The following FAT3 variants were observed in gnomAD, a reference collection of about 807,000 sequenced individuals.
The protein encoded by FAT3 is FAT atypical cadherin 3.
FAT3 carries 95 observed loss-of-function variants against 310.2 expected under a neutral mutation model. That is an observed-to-expected ratio of 0.31 (90% confidence interval 0.26 to 0.36). The LOEUF (loss-of-function observed/expected upper bound fraction) is 0.36. FAT3 is among the 10% of genes least tolerant of loss of function. The pLI is 1.00. For synonymous variants in FAT3, 2,314 were observed against 2,192.9 expected, an observed-to-expected ratio of 1.06 and a Z score of -1.54; for missense variants, 5,408 against 5,715.6, an observed-to-expected ratio of 0.95 and a Z score of 1.74.
chr11:92,486,371 CT>C (rs939185647), intron 2 of FAT3, among the ~76,000 whole-genome samples: 18 of 149,084 alleles, frequency 1.2e-4, no homozygotes, highest in Admixed American at 1.3e-4. Flanking sequence ...TTTTGTTGTC[CT>C]TTTTTTTTAC....
At chr11:92,853,965 T>C (rs1948903101) in intron 19 of FAT3, among the ~76,000 whole-genome samples, 1 of 152,074 alleles carries the variant, frequency 6.6e-6, no homozygotes, top group African/African-American at 2.4e-5. Flanking sequence ...CCTGCCCTTT[T>C]CTGTCCAGGA....
At chr11:92,285,541 T>C (rs1352880760) in intron 1 of FAT3, among the ~76,000 whole-genome samples, 1 of 152,172 alleles carries the variant, frequency 6.6e-6, no homozygotes, top group Non-Finnish European at 1.5e-5. Context: ...ACAACACTAT[T>C]GTAGCTCATT....
chr11:92,237,935 T>G (rs867454723), intron 1 of FAT3, among the ~76,000 whole-genome samples: 18 of 152,030 alleles, frequency 1.2e-4, no homozygotes, highest in African/African-American at 4.3e-4. Flanking sequence ...TTATTGAGTA[T>G]CTACTTTATC....
At chr11:92,480,195 G>A (rs893737858) in intron 2 of FAT3, among the ~76,000 whole-genome samples, 1 of 152,052 alleles carries the variant, frequency 6.6e-6, no homozygotes, top group Non-Finnish European at 1.5e-5. Flanking sequence ...AACCCAAGAG[G>A]CAGAGCTTAC....
At chr11:92,289,538 T>C (rs868810014) in intron 1 of FAT3, among the ~76,000 whole-genome samples, 1,315 of 128,188 alleles carry the variant, frequency 0.01, 29 homozygotes, top group African/African-American at 0.034. Context: ...CACACACACA[T>C]ATATATGTGC....
At chr11:92,822,144 A>G (rs1947983937) in intron 13 of FAT3, among the ~76,000 whole-genome samples, 1 of 152,146 alleles carries the variant, frequency 6.6e-6, no homozygotes, top group Non-Finnish European at 1.5e-5. Context: ...TCAAAACACT[A>G]GCTGTCAAAG....
chr11:92,823,454 C>G (rs891360105), intron 13 of FAT3, among the ~76,000 whole-genome samples: 1 of 152,158 alleles, frequency 6.6e-6, no homozygotes, highest in Non-Finnish European at 1.5e-5. Context: ...TATAGGTGTG[C>G]AGTCAAACAG....
At position 92,338,801 on chromosome 11, in the gene FAT3, G is replaced by A. The variant is rs942426854; in HGVS notation, c.-17-13295G>A. Among the ~76,000 whole-genome samples the A allele has an allele frequency of 7.9e-5, 12 of 152,134 alleles. No homozygotes were observed. In the South Asian group the frequency reaches 1.9e-3, roughly 24 times the overall value. On this transcript the variant is annotated intron_variant, in intron 1 of 27. Coordinates refer to ENST00000525166, the MANE Select transcript of FAT3 (RefSeq NM_001367949.2). ...GGTGACTGATGGCCTTGCTACATGC[G>A]AACAGTTCCTGGAGAAATCTTGGTT...
chr11:92,263,728 A>G (rs959420088), intron 1 of FAT3, among the ~76,000 whole-genome samples: 1 of 152,126 alleles, frequency 6.6e-6, no homozygotes, highest in Non-Finnish European at 1.5e-5. Flanking sequence ...TGAACAAATT[A>G]TGAAGCATTT....
intron 3 of FAT3, among the ~76,000 whole-genome samples, chr11:92,670,175 T>C (rs983894195): frequency 6.6e-6 from 1 of 152,242 alleles, no homozygotes; most frequent in Admixed American, 6.5e-5. Context: ...CCTGGTGACT[T>C]GGCATTTGCT....
chr11:92,246,982 G>C (rs1249737339), intron 1 of FAT3, among the ~76,000 whole-genome samples: 1 of 152,232 alleles, frequency 6.6e-6, no homozygotes, highest in East Asian at 1.9e-4. Flanking sequence ...TTTGTCACAG[G>C]TCAAAGGACT....
Position 92,840,743 on chromosome 11 carries a change from A to G in FAT3, c.10550A>G (p.Tyr3517Cys), listed in dbSNP as rs968145569. 6.3e-7 allele frequency: 1 copy of G among 1,590,820 alleles called. No homozygotes were observed. Residue 3517 changes from tyrosine to cysteine, a missense_variant, in exon 18 of 28, where the codon TAC becomes TGC. Coordinates refer to ENST00000525166, the MANE Select transcript of FAT3 (RefSeq NM_001367949.2). Reference sequence around the variant, plus strand: ...TTCCAGCACACAGAGTCTCTGGAATACGTGTTGTGTGTCCAGGTATGGCAT... The same window carrying G: ...TTCCAGCACACAGAGTCTCTGGAATGCGTGTTGTGTGTCCAGGTATGGCAT... Reference protein sequence around the residue: ...VVFQHTESLEYVLCVQAKDSG... With the variant: ...VVFQHTESLECVLCVQAKDSG...
At chr11:92,792,706 C>A in intron 8 of FAT3, 61 bp from the exon 9 acceptor site, 4 of 1,511,964 alleles carry the variant, frequency 2.6e-6, no homozygotes, top group Non-Finnish European at 3.7e-6. Flanking sequence ...CCAAACATAG[C>A]CATGTGAGTT....
chr11:92,535,451 C>T (rs149228810), intron 3 of FAT3, among the ~76,000 whole-genome samples: 107 of 152,150 alleles, frequency 7.0e-4, no homozygotes, highest in African/African-American at 2.5e-3. Context: ...GTTACAGCAG[C>T]CCTAGGAAGC....
Position 92,790,077 on chromosome 11 carries a change from G to T in FAT3, c.4470G>T (p.Lys1490Asn). 1 of 1,613,820 alleles carries T rather than the reference G, an allele frequency of 6.2e-7. No individual in the cohort carries two copies. The highest frequency in any genetic ancestry group is 2.2e-5 in the East Asian group (1 of 44,882). The change falls in exon 8 of 28, where the codon AAG becomes AAT. Residue 1490 changes from lysine (K) to asparagine (N), a missense_variant. Lys to Asn is a moderately conservative substitution (Grantham distance 94). Coordinates refer to ENST00000525166, the MANE Select transcript of FAT3 (RefSeq NM_001367949.2). ...LQIEATDRDE[K>N]HKLSYTVHSS... ...TTGAAGCCACAGATAGAGATGAGAA[G>T]CACAAGCTGAGCTACACTGTTCATA...
chr11:92,426,945 G>A (rs1301575344), intron 2 of FAT3, among the ~76,000 whole-genome samples: 1 of 152,128 alleles, frequency 6.6e-6, no homozygotes, highest in Non-Finnish European at 1.5e-5. Context: ...GTATAGCATT[G>A]AACCTATAAA....
chr11:92,556,216 A>T (rs1429163237), intron 3 of FAT3, among the ~76,000 whole-genome samples: 2 of 152,208 alleles, frequency 1.3e-5, no homozygotes, highest in African/African-American at 2.4e-5. Context: ...CTGGAGGAAG[A>T]GGATTCAAGG....
chr11:92,666,808 G>C (rs1471511705), intron 3 of FAT3, among the ~76,000 whole-genome samples: 1 of 152,156 alleles, frequency 6.6e-6, no homozygotes, highest in Admixed American at 6.5e-5. Flanking sequence ...ATTGCCGCAA[G>C]ACAGTAGAAG....
At chr11:92,790,376 A>G (rs78795276) in intron 8 of FAT3, among the ~76,000 whole-genome samples, 158 bp downstream of exon 8, 5,661 of 152,300 alleles carry the variant, frequency 0.037, 159 homozygotes, top group Non-Finnish European at 0.057. Flanking sequence ...TTTTATTTCA[A>G]TGAAGAATTA....
Sources: allele counts gnomAD v4.1 joint callset (sites outside exome capture counted in the v4.1 genomes callset), GRCh38; gene constraint gnomAD v4.1.1; transcripts MANE v1.5; gene names NCBI Gene and HGNC (gene_info 2026-07-23, HGNC 2026-07-21).